The following SBF2 variants were observed in gnomAD, a reference collection of about 807,000 sequenced individuals.
SBF2 encodes SET binding factor 2, also known as myotubularin-related protein 13.
In SBF2, 112 loss-of-function variants were observed where a neutral mutation model predicts 225.2. That is an observed-to-expected ratio of 0.50 (90% CI 0.43 to 0.58). SBF2 has a LOEUF of 0.58. Among genes scored for constraint, SBF2 ranks in the 20% least tolerant of loss-of-function variants. SBF2 has a pLI of 0.00. For synonymous variants in SBF2, 763 were observed against 773.3 expected (o/e 0.99, Z 0.22); for missense variants, 1,996 against 2,206.2 (o/e 0.90, Z 1.91).
At chr11:10,206,832 TG>T (rs148777304) in intron 1 of SBF2, among the ~76,000 whole-genome samples, 7,634 of 151,914 alleles carry the variant, frequency 0.05, 322 homozygotes, top group Middle Eastern at 0.14. Context: ...TAAAGAACAT[TG>T]GGAACCCATG....
chr11:9,797,232 C>T (rs1853178980), intron 32 of SBF2, among the ~76,000 whole-genome samples: 1 of 152,088 alleles, frequency 6.6e-6, no homozygotes, highest in Non-Finnish European at 1.5e-5. Context: ...GTCCAGTGGA[C>T]CAATGGGAAT....
rs1327523565 is a variant in SBF2 at position 10,216,301 on chromosome 11, TTC to T, written c.56-22316_56-22315del. Among the ~76,000 whole-genome samples the T allele has an allele frequency of 3.3e-5, 5 of 152,364 alleles. 1 individual carries two copies. In the Middle Eastern group the frequency reaches 0.01, roughly 311 times the overall value. ...GAAAGATCTAAATCATTTAGAAACT[TTC>T]TTTTTCCTTACACTGAGTCAAAATC... is the stretch of plus-strand genomic sequence containing the variant. On this transcript the variant is annotated intron_variant, in intron 1 of 39. Transcript: ENST00000256190.
intron 1 of SBF2, among the ~76,000 whole-genome samples, chr11:10,258,485 T>A (rs932034694): frequency 3.9e-5 from 6 of 152,192 alleles, no homozygotes; most frequent in African/African-American, 1.2e-4. Context: ...TCACAGGCCA[T>A]TGCCTGGAAC....
intron 6 of SBF2, among the ~76,000 whole-genome samples, chr11:10,020,393 A>C (rs1008981620): frequency 5.3e-5 from 8 of 152,086 alleles, no homozygotes; most frequent in African/African-American, 1.9e-4. Flanking sequence ...GTATGCAGAG[A>C]GCCTACCTCA....
chr11:10,233,667 G>C (rs1462662284), intron 1 of SBF2, among the ~76,000 whole-genome samples: 2 of 151,370 alleles, frequency 1.3e-5, no homozygotes. Flanking sequence ...GAGCCACTCA[G>C]ATCTCCTTTC....
At chr11:9,792,350 G>C (rs1852803923) in intron 33 of SBF2, among the ~76,000 whole-genome samples, 1 of 151,644 alleles carries the variant, frequency 6.6e-6, no homozygotes, top group Admixed American at 6.6e-5. Flanking sequence ...AGAATCACTT[G>C]AACCCAGGAG....
At chr11:10,010,851 T>C (rs572611697) in intron 6 of SBF2, among the ~76,000 whole-genome samples, 1 of 152,360 alleles carries the variant, frequency 6.6e-6, no homozygotes, top group South Asian at 2.1e-4. Context: ...TTCACGATAT[T>C]GATTCTTCCT....
Position 9,830,056 on chromosome 11 carries a change from G to A in SBF2, c.3653-560C>T, listed in dbSNP as rs528108105. Among the ~76,000 whole-genome samples, 8 of 152,342 alleles carry A rather than the reference G, an allele frequency of 5.3e-5. No homozygotes were observed. In the East Asian group the frequency reaches 9.6e-4, roughly 18 times the overall value. ...AGTGGAAGAAGATGGGGAGAAGATA[G>A]GAGCAACTACTGCCAATCCCTGGTC... On this transcript the variant is annotated intron_variant, in intron 27 of 39. Transcript: ENST00000256190.
At chr11:10,142,363 A>G (rs371666973) in intron 2 of SBF2, among the ~76,000 whole-genome samples, 4 of 152,202 alleles carry the variant, frequency 2.6e-5, no homozygotes, top group African/African-American at 7.2e-5. Flanking sequence ...AAGGACTGCA[A>G]GGTCTGACTC....
At chr11:10,225,135 C>T (rs1371577235) in intron 1 of SBF2, among the ~76,000 whole-genome samples, 1 of 151,966 alleles carries the variant, frequency 6.6e-6, no homozygotes, top group South Asian at 2.1e-4. Flanking sequence ...CCTTCGTTGT[C>T]CCTGATAATC....
At chr11:10,272,375 T>A (rs1962560697) in intron 1 of SBF2, 1 of 527,942 alleles carries the variant, frequency 1.9e-6, no homozygotes, top group Admixed American at 3.4e-5. Context: ...CTCACACAAT[T>A]TCCTTAAGTC....
chr11:10,041,412 T>C (rs1440260102), intron 3 of SBF2, among the ~76,000 whole-genome samples: 2 of 152,178 alleles, frequency 1.3e-5, no homozygotes, highest in Non-Finnish European at 2.9e-5. Flanking sequence ...CAACAGGCTA[T>C]GTTAGTCTGA....
chr11:10,028,210 G>A (rs1287855128), intron 6 of SBF2, among the ~76,000 whole-genome samples: 3 of 151,846 alleles, frequency 2.0e-5, no homozygotes, highest in African/African-American at 4.8e-5. Flanking sequence ...TACCACACCC[G>A]TCCCATCCAC....
At chr11:10,105,718 T>A (rs1306445853) in intron 2 of SBF2, among the ~76,000 whole-genome samples, 1 of 152,228 alleles carries the variant, frequency 6.6e-6, no homozygotes, top group Non-Finnish European at 1.5e-5. Flanking sequence ...GCACATGACC[T>A]AACCTGTATC....
chr11:9,914,021 T>C (rs1564994363), intron 16 of SBF2, among the ~76,000 whole-genome samples: 1 of 152,192 alleles, frequency 6.6e-6, no homozygotes, highest in African/African-American at 2.4e-5. Flanking sequence ...CAGTTCCTTT[T>C]ACATAGTATA....
intron 28 of SBF2, among the ~76,000 whole-genome samples, chr11:9,825,862 C>T (rs531578957): frequency 6.6e-6 from 1 of 152,260 alleles, no homozygotes; most frequent in East Asian, 1.9e-4. Context: ...GAAATATGGG[C>T]CTGGTGAGTT....
At chr11:10,267,552 T>A (rs542045567) in intron 1 of SBF2, among the ~76,000 whole-genome samples, 1 of 152,166 alleles carries the variant, frequency 6.6e-6, no homozygotes, top group Admixed American at 6.5e-5. Context: ...GGGAAGAGGT[T>A]TGAATGAGCC....
intron 12 of SBF2, among the ~76,000 whole-genome samples, chr11:9,990,575 C>T (rs189346573): frequency 6.6e-6 from 1 of 152,266 alleles, no homozygotes; most frequent in Admixed American, 6.5e-5. Context: ...AGGCTCTTGA[C>T]TGATACATAC....
chr11:10,051,717 G>C (rs527854538), intron 2 of SBF2, among the ~76,000 whole-genome samples: 1 of 152,006 alleles, frequency 6.6e-6, no homozygotes, highest in East Asian at 1.9e-4. Context: ...CAGTAACATA[G>C]ACATAGTCTA....
Sources: allele counts gnomAD v4.1 joint callset (sites outside exome capture counted in the v4.1 genomes callset), GRCh38; gene constraint gnomAD v4.1.1; transcripts MANE v1.5; gene names NCBI Gene and HGNC (gene_info 2026-07-23, HGNC 2026-07-21).